ASTN1: variants seen among roughly 807,000 people sequenced by gnomAD.
ASTN1 encodes astrotactin 1.
Under a neutral mutation model 140.7 loss-of-function variants are expected in ASTN1, and 41 were observed. The ratio of observed to expected loss-of-function variants is 0.29; its 90% CI spans 0.23 to 0.38. The LOEUF (loss-of-function observed/expected upper bound fraction) is 0.38. Ranked by LOEUF, ASTN1 falls within the 10% of genes least tolerant of loss-of-function variation. The pLI, the probability that ASTN1 is intolerant of heterozygous loss-of-function variation, is 1.00. For synonymous variants in ASTN1, 640 were observed against 652.2 expected, an observed-to-expected ratio of 0.98 and a Z score of 0.29; for missense variants, 1,479 against 1,678.8, an observed-to-expected ratio of 0.88 and a Z score of 2.08.
intron 21 of ASTN1, among the ~76,000 whole-genome samples, chr1:176,872,226 T>C (rs553115876): frequency 6.6e-6 from 1 of 152,212 alleles, no homozygotes; most frequent in African/African-American, 2.4e-5. Flanking sequence ...AGCACAATGT[T>C]TGGACATAGT....
At chr1:177,035,676 G>A (rs1019754718) in intron 2 of ASTN1, among the ~76,000 whole-genome samples, 1 of 152,106 alleles carries the variant, frequency 6.6e-6, no homozygotes, top group African/African-American at 2.4e-5. Context: ...TCAACTTAGG[G>A]ACCCATTGCA....
At chr1:177,098,985 G>A (rs1314450464) in intron 1 of ASTN1, among the ~76,000 whole-genome samples, 2 of 152,268 alleles carry the variant, frequency 1.3e-5, no homozygotes, top group South Asian at 2.1e-4. Context: ...ACTACTCTCA[G>A]CAGCTACTCT....
intron 1 of ASTN1, among the ~76,000 whole-genome samples, chr1:177,127,219 CT>C (rs1319210017): frequency 1.3e-5 from 2 of 151,996 alleles, no homozygotes; most frequent in African/African-American, 4.8e-5. Context: ...TTTCCATTGG[CT>C]TACATTCCTG....
At chr1:177,013,916 C>T (rs1258857222) in intron 8 of ASTN1, among the ~76,000 whole-genome samples, 1 of 152,098 alleles carries the variant, frequency 6.6e-6, no homozygotes, top group Non-Finnish European at 1.5e-5. Context: ...CACAGTGGCT[C>T]ATGCCAGTAA....
intron 16 of ASTN1, among the ~76,000 whole-genome samples, chr1:176,931,382 C>T (rs1244173190): frequency 6.6e-6 from 1 of 152,190 alleles, no homozygotes; most frequent in Non-Finnish European, 1.5e-5. Flanking sequence ...AGAAGAATCT[C>T]TTGAACCTAG....
intron 16 of ASTN1, among the ~76,000 whole-genome samples, chr1:176,912,206 C>G (rs551194747): frequency 6.6e-6 from 1 of 152,322 alleles, no homozygotes; most frequent in East Asian, 1.9e-4. Flanking sequence ...TGGTGGAAGT[C>G]AGCAAACTTT....
intron 16 of ASTN1, among the ~76,000 whole-genome samples, chr1:176,912,694 T>G (rs1393995405): frequency 6.6e-6 from 1 of 152,200 alleles, no homozygotes; most frequent in Admixed American, 6.5e-5. Flanking sequence ...TAAGCTATAC[T>G]ACCTCCCATA....
chr1:176,956,661 C>T (rs1240029437), intron 11 of ASTN1, among the ~76,000 whole-genome samples: 1 of 152,188 alleles, frequency 6.6e-6, no homozygotes, highest in Non-Finnish European at 1.5e-5. Context: ...TCCCTGCCTC[C>T]CCTGACCCAT....
intron 18 of ASTN1, among the ~76,000 whole-genome samples, chr1:176,886,623 C>A (rs952405974): frequency 6.6e-6 from 1 of 152,208 alleles, no homozygotes; most frequent in Non-Finnish European, 1.5e-5. Context: ...AGACTGTGGA[C>A]AAGAGAAGAA....
chr1:176,904,623 T>G (rs959471294), intron 16 of ASTN1, among the ~76,000 whole-genome samples: 2 of 152,218 alleles, frequency 1.3e-5, no homozygotes, highest in Non-Finnish European at 2.9e-5. Context: ...TGCACTTGTC[T>G]GGAGATTAAG....
At chr1:177,070,851 C>A (rs1442221317) in intron 1 of ASTN1, among the ~76,000 whole-genome samples, 1 of 152,110 alleles carries the variant, frequency 6.6e-6, no homozygotes, top group East Asian at 1.9e-4. Context: ...CCTCACTTTG[C>A]AAATCTCAGT....
chr1:177,131,071 T>C (rs981668730), intron 1 of ASTN1, among the ~76,000 whole-genome samples: 1 of 152,226 alleles, frequency 6.6e-6, no homozygotes, highest in South Asian at 2.1e-4. Context: ...TCCTCCCAGA[T>C]GGATGGAGCT....
chr1:176,894,058 G>A (rs916666425), intron 17 of ASTN1, among the ~76,000 whole-genome samples: 6 of 152,196 alleles, frequency 3.9e-5, no homozygotes, highest in Non-Finnish European at 5.9e-5. Context: ...CAGAGTGATA[G>A]GCAGAAAACC....
At chr1:177,044,800 T>C (rs993979204) in intron 2 of ASTN1, among the ~76,000 whole-genome samples, 5 of 152,228 alleles carry the variant, frequency 3.3e-5, no homozygotes, top group Admixed American at 2.6e-4. Context: ...CATGGGGTCA[T>C]TCCCAGCCAA....
At chr1:177,146,862 A>G (rs374372261) in intron 1 of ASTN1, among the ~76,000 whole-genome samples, 221 of 152,326 alleles carry the variant, frequency 1.5e-3, no homozygotes, top group African/African-American at 5.0e-3. Flanking sequence ...GACAAAAGTC[A>G]ATAGTTCAGC....
At chr1:176,991,399 G>A (rs528286710) in intron 8 of ASTN1, among the ~76,000 whole-genome samples, 8 of 121,410 alleles carry the variant, frequency 6.6e-5, no homozygotes, top group East Asian at 2.4e-4. Context: ...GGCAACAAAC[G>A]CTAAACTCTG....
At chr1:176,858,953 G>T (rs1667886371), downstream of ASTN1, among the ~76,000 whole-genome samples, 1 of 152,172 alleles carries the variant, frequency 6.6e-6, no homozygotes, top group South Asian at 2.1e-4. Flanking sequence ...GATATATAAA[G>T]ATACTGAGAC....
At chr1:176,943,809 GTGAGGTCAAATCTTAATTTTA>G (rs1571546314) in intron 14 of ASTN1, 61 bp downstream of exon 14, 14 of 1,464,476 alleles carry the variant, frequency 9.6e-6, no homozygotes, top group African/African-American at 1.4e-5. Flanking sequence ...ACCAAAATAA[GTGAGGTCAAATCTTAATTTTA>G]TGAAACTGCA....
chr1:176,940,438 A>G (rs1671667836), intron 14 of ASTN1, among the ~76,000 whole-genome samples: 1 of 152,232 alleles, frequency 6.6e-6, no homozygotes, highest in South Asian at 2.1e-4. Flanking sequence ...CTTAAGTCCA[A>G]CCAGAGAAAG....
Sources: allele counts gnomAD v4.1 joint callset (sites outside exome capture counted in the v4.1 genomes callset), GRCh38; gene constraint gnomAD v4.1.1; transcripts MANE v1.5; gene names NCBI Gene and HGNC (gene_info 2026-07-23, HGNC 2026-07-21).